The following ZSCAN5A variants were observed in gnomAD, a reference collection of about 807,000 sequenced individuals.
The protein encoded by ZSCAN5A is zinc finger and SCAN domain containing 5A.
A neutral mutation model predicts 23.7 loss-of-function variants in ZSCAN5A; 12 were observed. That is an observed-to-expected ratio of 0.51 (90% CI 0.32 to 0.82). The LOEUF (loss-of-function observed/expected upper bound fraction) is 0.82, where lower values mean the gene tolerates loss of function less well. ZSCAN5A is among the 40% of genes least tolerant of loss of function. The pLI, the probability that ZSCAN5A is intolerant of heterozygous loss-of-function variation, is 0.03. For synonymous variants in ZSCAN5A, 257 were observed against 239.9 expected, an observed-to-expected ratio of 1.07 and a Z score of -0.66; for missense variants, 597 against 617.9, an observed-to-expected ratio of 0.97 and a Z score of 0.36.
intron 2 of ZSCAN5A, among the ~76,000 whole-genome samples, chr19:56,248,171 GT>G (rs2036085734): frequency 6.6e-6 from 1 of 151,664 alleles, no homozygotes; most frequent in Non-Finnish European, 1.5e-5. Flanking sequence ...TTTTTTTTTA[GT>G]ATCAGCTTGT....
rs147694362 is a variant in ZSCAN5A, at chr19:56,302,252, C to T, written c.-128+11031G>A. Among the ~76,000 whole-genome samples, 132 of 152,038 alleles carry T rather than the reference C, an allele frequency of 8.7e-4. 1 individual carries two copies. The East Asian group carries it at 0.015, about 17-fold the overall frequency. ...TAAAACACTCTCTTCTTCCCACTCT[C>T]CCACCCGCCTCCATCTCTCATTTCA... On this transcript the variant is annotated intron_variant, in intron 2 of 5. Transcript: ENST00000683990.
At chr19:56,348,915 A>C (rs1408609990) in intron 2 of ZSCAN5A, among the ~76,000 whole-genome samples, 1 of 152,106 alleles carries the variant, frequency 6.6e-6, no homozygotes, top group Non-Finnish European at 1.5e-5. Context: ...TCTGTAAGAG[A>C]AATTAAACCT....
chr19:56,228,939 G>A (rs957668022), intron 2 of ZSCAN5A, among the ~76,000 whole-genome samples: 1 of 152,162 alleles, frequency 6.6e-6, no homozygotes, highest in South Asian at 2.1e-4. Context: ...AAGGCACATG[G>A]TCCCCACTCT....
At chr19:56,323,595 G>A (rs956125586) in intron 2 of ZSCAN5A, among the ~76,000 whole-genome samples, 8 of 148,682 alleles carry the variant, frequency 5.4e-5, no homozygotes, top group African/African-American at 2.0e-4. Context: ...GGAGTACAAT[G>A]GTATGATCTC....
chr19:56,272,841 A>T, intron 2 of ZSCAN5A: 1 of 985,042 alleles, frequency 1.0e-6, no homozygotes, highest in Non-Finnish European at 1.2e-6. Context: ...CATCATGCAC[A>T]GATCAGAGCC....
rs368396222 is a variant in ZSCAN5A, at chr19:56,301,806, G to T, written c.-128+11477C>A. The stretch of plus-strand genomic sequence containing the variant: ...TCTGGAGTATGGTGGTAACCAAGAA[G>T]GGGGAAGCTGGCAGTGATGGTGGGT... On this transcript the variant is annotated intron_variant, in intron 2 of 5. Coordinates refer to ENST00000683990, the MANE Select transcript of ZSCAN5A (RefSeq NM_001322064.3). 5.7e-6 allele frequency: 4 copies of T among 704,184 alleles called. No homozygotes were observed. The Admixed American group carries it at 1.8e-4, about 31-fold the overall frequency. 43.6% of individuals were successfully genotyped at this position (704,184 alleles called of 1,614,324 possible).
At chr19:56,304,513 C>T (rs940007168) in intron 2 of ZSCAN5A, among the ~76,000 whole-genome samples, 7 of 152,118 alleles carry the variant, frequency 4.6e-5, no homozygotes, top group Admixed American at 3.9e-4. Context: ...CAGGTCAAAA[C>T]GTCAGGAACC....
At chr19:56,360,273 A>G (rs2041726198) in intron 2 of ZSCAN5A, among the ~76,000 whole-genome samples, 1 of 152,188 alleles carries the variant, frequency 6.6e-6, no homozygotes, top group Admixed American at 6.5e-5. Flanking sequence ...ACTTCTATAA[A>G]CCAAGAACAG....
intron 2 of ZSCAN5A, among the ~76,000 whole-genome samples, chr19:56,254,939 C>G (rs887674958): frequency 1.3e-5 from 2 of 152,048 alleles, no homozygotes; most frequent in African/African-American, 4.8e-5. Flanking sequence ...AGATGAACCC[C>G]TTTTCAGATA....
intron 2 of ZSCAN5A, among the ~76,000 whole-genome samples, chr19:56,272,611 T>A (rs1024111602): frequency 6.6e-6 from 1 of 152,234 alleles, no homozygotes; most frequent in African/African-American, 2.4e-5. Flanking sequence ...ACACTCAGCA[T>A]GAAACTGTTC....
intron 2 of ZSCAN5A, chr19:56,283,258 C>G (rs1356685878): frequency 6.6e-6 from 1 of 151,470 alleles, no homozygotes; most frequent in South Asian, 2.1e-4. Context: ...ATACTATTAT[C>G]ATCATTATTA....
chr19:56,349,367 G>A (rs1469509301), intron 2 of ZSCAN5A, among the ~76,000 whole-genome samples: 2 of 152,084 alleles, frequency 1.3e-5, no homozygotes, highest in African/African-American at 2.4e-5. Context: ...AACCCCTGAC[G>A]GTCCAGAGGA....
At chr19:56,269,176 A>G (rs964379229) in intron 2 of ZSCAN5A, among the ~76,000 whole-genome samples, 2 of 152,162 alleles carry the variant, frequency 1.3e-5, no homozygotes, top group East Asian at 1.9e-4. Context: ...CGGTAGCCCT[A>G]TATTTAACTT....
In ZSCAN5A at chr19:56,352,558, G is replaced by C. The variant is rs2041674036; in HGVS notation, c.-358+10677C>G. ...GTGAGGAAGAATATTCAAGACAATT[G>C]CAACAGGGGAGAGAGACCCAACTCT... On this transcript the variant is annotated intron_variant, in intron 2 of 6. Coordinates refer to the ZSCAN5A transcript ENST00000587340. This position sits in a 1 kb window ranked among gnomAD's most constrained non-coding sequence, Gnocchi z 4.2. Among the ~76,000 whole-genome samples, 1 of 152,214 alleles carries C rather than the reference G, an allele frequency of 6.6e-6. No homozygotes were observed. The highest frequency in any genetic ancestry group is 2.1e-4 in the South Asian group (1 of 4,834).
chr19:56,363,913 G>T (rs1282299391), intron 1 of ZSCAN5A, among the ~76,000 whole-genome samples: 1 of 152,164 alleles, frequency 6.6e-6, no homozygotes, highest in African/African-American at 2.4e-5. Context: ...TTTGCAACCT[G>T]GCCATGTGGT....
rs190143915 is a variant in ZSCAN5A at position 56,304,489 on chromosome 19, C to T, written c.-128+8794G>A. ...CCATACGGCCCAGGACAACACGCCACGACAAAAATAACCCAGGTCAAAACG... is the reference window on the plus strand; with the variant it reads ...CCATACGGCCCAGGACAACACGCCATGACAAAAATAACCCAGGTCAAAACG... On this transcript the variant is annotated intron_variant, in intron 2 of 5. Coordinates refer to ENST00000683990, the MANE Select transcript of ZSCAN5A (RefSeq NM_001322064.3). Among the ~76,000 whole-genome samples, 25 of 152,242 alleles carry T rather than the reference C, an allele frequency of 1.6e-4. No homozygotes were observed. In the East Asian group the frequency reaches 3.7e-3, roughly 22 times the overall value.
At position 56,288,410 on chromosome 19, in the gene ZSCAN5A, C is replaced by A. The variant is rs146843926; in HGVS notation, c.-128+24873G>T. On this transcript the variant is annotated intron_variant, in intron 2 of 5. Coordinates refer to ENST00000683990, the MANE Select transcript of ZSCAN5A (RefSeq NM_001322064.3). ...GTCTCAGACACAACATCACTTCCCT[C>A]AAGATGCCTCCCCTGGTGTCCCCGC... Among the ~76,000 whole-genome samples the A allele has an allele frequency of 2.2e-3, 340 of 152,338 alleles. 1 individual carries two copies. The highest frequency in any genetic ancestry group is 3.8e-3 in the Non-Finnish European group (256 of 68,032).
chr19:56,328,695 C>T (rs1412465841), intron 2 of ZSCAN5A, among the ~76,000 whole-genome samples: 5 of 144,134 alleles, frequency 3.5e-5, no homozygotes, highest in Non-Finnish European at 7.6e-5. Flanking sequence ...TCACATAAAC[C>T]AAATGTGGGT....
At chr19:56,240,485 T>C (rs928078662) in intron 2 of ZSCAN5A, among the ~76,000 whole-genome samples, 2 of 152,068 alleles carry the variant, frequency 1.3e-5, no homozygotes, top group African/African-American at 2.4e-5. Context: ...TCCAGGCCAG[T>C]TGGAGAGTGC....
Sources: allele counts gnomAD v4.1 joint callset (sites outside exome capture counted in the v4.1 genomes callset), GRCh38; gene constraint gnomAD v4.1.1; non-coding constraint Gnocchi (gnomAD v3.1); transcripts MANE v1.5; gene names NCBI Gene and HGNC (gene_info 2026-07-23, HGNC 2026-07-21).